ZNF407: variants seen among roughly 807,000 people sequenced by gnomAD.
ZNF407 encodes zinc finger protein 407.
A neutral mutation model predicts 131.2 loss-of-function variants in ZNF407; 17 were observed. That is an observed-to-expected ratio of 0.13 (90% CI 0.09 to 0.19). The LOEUF (loss-of-function observed/expected upper bound fraction) is 0.19. Among genes scored for constraint, ZNF407 ranks in the 10% least tolerant of loss-of-function variants. The pLI, the probability that ZNF407 is intolerant of heterozygous loss-of-function variation, is 1.00. For synonymous variants in ZNF407, 1,156 were observed against 1,062.0 expected, an observed-to-expected ratio of 1.09 and a Z score of -1.72; for missense variants, 2,681 against 2,830.6, an observed-to-expected ratio of 0.95 and a Z score of 1.20.
chr18:74,826,074 A>G (rs17055678), intron 4 of ZNF407, among the ~76,000 whole-genome samples: 12,360 of 152,304 alleles, frequency 0.081, 627 homozygotes, highest in South Asian at 0.17. Flanking sequence ...TACCAAAAGG[A>G]ATTTCCATGA....
At chr18:75,036,177 C>G (rs747976087) in intron 8 of ZNF407, among the ~76,000 whole-genome samples, 5 of 152,204 alleles carry the variant, frequency 3.3e-5, no homozygotes, top group Non-Finnish European at 4.4e-5. Flanking sequence ...ACTGAGAGTT[C>G]TGAAAACCCA....
chr18:74,878,888 CAAAAA>C (rs573213763), intron 5 of ZNF407, among the ~76,000 whole-genome samples: 1 of 94,176 alleles, frequency 1.1e-5, no homozygotes, highest in Non-Finnish European at 2.2e-5. Context: ...CAACCCACTC[CAAAAA>C]AAAAAAAAAA....
intron 8 of ZNF407, among the ~76,000 whole-genome samples, chr18:74,943,491 G>A (rs534243684): frequency 1.3e-5 from 2 of 152,268 alleles, no homozygotes; most frequent in South Asian, 4.2e-4. Flanking sequence ...CCCATAAGGC[G>A]TAGAAATGCA....
intron 3 of ZNF407, among the ~76,000 whole-genome samples, chr18:74,710,611 G>C (rs1967735745): frequency 6.6e-6 from 1 of 152,126 alleles, no homozygotes; most frequent in Admixed American, 6.5e-5. Flanking sequence ...ATGTCTGTGG[G>C]ATCGTCCACA....
At chr18:74,738,142 C>A (rs1200489178) in intron 3 of ZNF407, among the ~76,000 whole-genome samples, 1 of 152,024 alleles carries the variant, frequency 6.6e-6, no homozygotes, top group African/African-American at 2.4e-5. Flanking sequence ...GGACGTTGGG[C>A]CAGGTGCGGT....
chr18:74,752,086 C>T (rs1402513166), intron 3 of ZNF407, among the ~76,000 whole-genome samples: 2 of 152,184 alleles, frequency 1.3e-5, no homozygotes, highest in African/African-American at 4.8e-5. Context: ...GAGATGGTAT[C>T]TCATTGTGGT....
At chr18:74,605,047 A>G (rs1333660432) in intron 1 of ZNF407, among the ~76,000 whole-genome samples, 1 of 152,198 alleles carries the variant, frequency 6.6e-6, no homozygotes, top group Non-Finnish European at 1.5e-5. Context: ...CTAACAGTCT[A>G]ATTTTCATGT....
chr18:75,029,316 G>C (rs564852791), intron 8 of ZNF407, among the ~76,000 whole-genome samples: 1 of 152,346 alleles, frequency 6.6e-6, no homozygotes, highest in South Asian at 2.1e-4. Context: ...TTTCTTGTGA[G>C]TGTTTTATAT....
chr18:74,992,115 G>C (rs1180669471), intron 8 of ZNF407, among the ~76,000 whole-genome samples: 1 of 152,178 alleles, frequency 6.6e-6, no homozygotes, highest in Non-Finnish European at 1.5e-5. Flanking sequence ...ATGTATCCAG[G>C]CTGAAGCCAG....
At chr18:74,980,657 A>C (rs60106233) in intron 8 of ZNF407, among the ~76,000 whole-genome samples, 6,161 of 152,242 alleles carry the variant, frequency 0.04, 464 homozygotes, top group African/African-American at 0.14. Flanking sequence ...AAGAATTAGA[A>C]ATCCTCCTTT....
intron 4 of ZNF407, among the ~76,000 whole-genome samples, chr18:74,821,636 TA>T (rs1348474073): frequency 6.6e-6 from 1 of 152,230 alleles, no homozygotes; most frequent in Non-Finnish European, 1.5e-5. Flanking sequence ...TTCCATGGTG[TA>T]TATGTGCCAC....
chr18:74,675,446 GA>G (rs1179224274), intron 3 of ZNF407, among the ~76,000 whole-genome samples: 1 of 152,094 alleles, frequency 6.6e-6, no homozygotes, highest in African/African-American at 2.4e-5. Flanking sequence ...TGTTTGTGGC[GA>G]ATGAATAAAT....
intron 8 of ZNF407, among the ~76,000 whole-genome samples, chr18:75,002,014 A>G (rs371163766): frequency 7.5e-4 from 114 of 152,308 alleles, no homozygotes; most frequent in African/African-American, 2.7e-3. Context: ...CAGAATGTCC[A>G]GGAGCCAGGG....
At chr18:74,687,675 A>T (rs1967127110) in intron 3 of ZNF407, among the ~76,000 whole-genome samples, 1 of 152,236 alleles carries the variant, frequency 6.6e-6, no homozygotes, top group South Asian at 2.1e-4. Context: ...TTCTTAAATT[A>T]GTGCTAATGG....
chr18:74,980,860 C>T (rs1296101779), intron 8 of ZNF407, among the ~76,000 whole-genome samples: 4 of 152,166 alleles, frequency 2.6e-5, no homozygotes, highest in South Asian at 2.1e-4. Context: ...GGCTCCGCTG[C>T]GGCCACTTGG....
At chr18:74,823,832 G>T (rs1454930484) in intron 4 of ZNF407, among the ~76,000 whole-genome samples, 3 of 152,100 alleles carry the variant, frequency 2.0e-5, no homozygotes, top group African/African-American at 7.2e-5. Context: ...AGTTATTCAG[G>T]ATTTGAACTC....
intron 8 of ZNF407, among the ~76,000 whole-genome samples, chr18:74,972,535 G>C (rs1166908040): frequency 1.3e-5 from 2 of 152,150 alleles, no homozygotes; most frequent in East Asian, 3.9e-4. Flanking sequence ...ATCACGTCTA[G>C]TCTGCTCAGA....
chr18:74,809,093 T>C (rs915113039), intron 4 of ZNF407, among the ~76,000 whole-genome samples: 1 of 152,214 alleles, frequency 6.6e-6, no homozygotes, highest in African/African-American at 2.4e-5. Context: ...CCCAGGATTC[T>C]TTTACGAAAA....
intron 4 of ZNF407, among the ~76,000 whole-genome samples, chr18:74,794,622 A>T (rs1266006502): frequency 6.6e-6 from 1 of 152,168 alleles, no homozygotes; most frequent in South Asian, 2.1e-4. Context: ...TTGCAGATGT[A>T]AAAGTTTCAG....
Sources: gnomAD v4.1 joint callset for allele counts (sites outside exome capture counted in the v4.1 genomes callset) on GRCh38, gnomAD v4.1.1 for gene constraint, MANE v1.5 for transcripts, NCBI Gene and HGNC (gene_info 2026-07-23, HGNC 2026-07-21) for gene names.